The following RFPL2 variants were observed in gnomAD, a reference collection of about 807,000 sequenced individuals.
RFPL2 encodes the protein ret finger protein-like 2.
Under a neutral mutation model 17.8 loss-of-function variants are expected in RFPL2, and 13 were observed. That is an observed-to-expected ratio of 0.73 (90% CI 0.47 to 1.16). The LOEUF is 1.16. Ranked by LOEUF, RFPL2 falls within the 50% of genes most tolerant of loss-of-function variation. RFPL2 has a pLI of 0.00. For missense variants in RFPL2, 431 were observed against 479.3 expected (o/e 0.90, Z 0.94); for synonymous variants, 189 against 180.9 (o/e 1.04, Z -0.36).
chr22:32,193,297 C>G (rs529705580), intron 3 of RFPL2, 105 bp from the exon 4 acceptor site: 2 of 1,596,602 alleles, frequency 1.3e-6, no homozygotes, highest in East Asian at 4.5e-5. Flanking sequence ...TGTGTTCCAG[C>G]TTTGTCACTC....
intron 2 of RFPL2, among the ~76,000 whole-genome samples, chr22:32,195,503 TG>T (rs1247495428): frequency 2.0e-5 from 3 of 152,126 alleles, no homozygotes; most frequent in Non-Finnish European, 4.4e-5. Flanking sequence ...TCAGCCAGGC[TG>T]GAGTGCAGTG....
intron 4 of RFPL2, among the ~76,000 whole-genome samples, chr22:32,191,647 GC>G (rs941977981): frequency 3.3e-5 from 5 of 152,092 alleles, no homozygotes; most frequent in African/African-American, 9.7e-5. Flanking sequence ...CAGACACCAT[GC>G]CCCCCTTTCT....
chr22:32,193,453 C>T (rs1922942622), intron 3 of RFPL2: 15 of 1,454,524 alleles, frequency 1.0e-5, no homozygotes, highest in African/African-American at 1.4e-5. Context: ...GGTGACCCAG[C>T]AGCTGAGCCT....
chr22:32,195,716 C>A (rs570675003), intron 2 of RFPL2, among the ~76,000 whole-genome samples: 44 of 152,156 alleles, frequency 2.9e-4, no homozygotes, highest in Non-Finnish European at 5.6e-4. Context: ...CCTTGGCCTC[C>A]CAAAATGCTG....
chr22:32,193,613 T>C, intron 3 of RFPL2: 2 of 648,974 alleles, frequency 3.1e-6, no homozygotes, highest in Non-Finnish European at 2.0e-6. Flanking sequence ...TGTCCAGCAC[T>C]TTGGGAGGCC....
At chr22:32,194,029 A>G (rs1923039381) in intron 3 of RFPL2, among the ~76,000 whole-genome samples, 1 of 152,016 alleles carries the variant, frequency 6.6e-6, no homozygotes, top group Non-Finnish European at 1.5e-5. Context: ...AAAAATTAGC[A>G]GAGAGCAGAG....
chr22:32,193,866 A>C (rs1319956372), intron 3 of RFPL2, among the ~76,000 whole-genome samples: 2 of 56,432 alleles, frequency 3.5e-5, no homozygotes, highest in East Asian at 5.1e-4. Flanking sequence ...CCATCTCAAA[A>C]AAAAAAAAAA....
rs1321809139 is a variant in RFPL2 at position 32,204,908 on chromosome 22, A to G, written c.-301T>C. On this transcript the variant is annotated 5_prime_UTR_variant, in exon 1 of 5. Transcript: ENST00000652607. Reference sequence around the variant, plus strand: ...ACAGCAAGTCTTAGGATAACCAATCAGAACAAGATAACAAAGCCCGATCAG... The same window carrying G: ...ACAGCAAGTCTTAGGATAACCAATCGGAACAAGATAACAAAGCCCGATCAG... 6.6e-6 allele frequency among the ~76,000 whole-genome samples: 1 copy of G among 152,268 alleles called. No homozygotes were observed. Among genetic ancestry groups the G allele is most frequent in the African/African-American group, 2.4e-5 (1 of 41,478 alleles).
chr22:32,202,321 A>G lies in RFPL2; in HGVS notation c.119+12T>C. 6.3e-7 allele frequency: 1 copy of G among 1,583,200 alleles called. No individual in the cohort carries two copies. Among genetic ancestry groups the G allele is most frequent in the Non-Finnish European group, 8.6e-7 (1 of 1,164,258 alleles). ...CCTGGAGCAATGCGGAAAACCCAGA[A>G]TTGTCTCTCACCTCAGGCTCCTTAT... On this transcript the variant is annotated intron_variant, in intron 2 of 4. Coordinates refer to ENST00000652607, the MANE Select transcript of RFPL2 (RefSeq NM_001394555.1).
Position 32,191,436 on chromosome 22 carries a change from CTT to C in RFPL2, c.557-86_557-85del, listed in dbSNP as rs1007764630. On this transcript the variant is annotated intron_variant, in intron 4 of 4. Coordinates refer to ENST00000652607, the MANE Select transcript of RFPL2 (RefSeq NM_001394555.1). ...TTCTACTTCAAAGGCCCAAATATCTCTTGACTTTAGTTTCTTTAATTCTCTTC... is the reference window on the plus strand; with the variant it reads ...TTCTACTTCAAAGGCCCAAATATCTCGACTTTAGTTTCTTTAATTCTCTTC... 2.7e-5 allele frequency: 40 copies of C among 1,476,948 alleles called. No individual in the cohort carries two copies. The Admixed American group carries it at 7.7e-4, about 28-fold the overall frequency. 91.5% of individuals were successfully genotyped at this position (1,476,948 alleles called of 1,614,324 possible).
In RFPL2 at chr22:32,194,392, C is replaced by T. The variant is rs548157648; in HGVS notation, c.218G>A (p.Ser73Asn). The T allele has an allele frequency of 6.2e-6, 10 of 1,607,718 alleles. No individual in the cohort carries two copies. The South Asian group carries it at 7.8e-5, about 13-fold the overall frequency. ...GTCCTCCAGCTGCTTCCACTGGGCG[C>T]TCAGGTCTTGTGGGGAAGGGGCACA... is the stretch of plus-strand genomic sequence containing the variant. Reference protein sequence around the residue: ...PSCAPSPQDLSAQWKQLEDRG... With the variant: ...PSCAPSPQDLNAQWKQLEDRG... The change falls in exon 3 of 5, where the codon AGC becomes AAC. Residue 73 changes from serine (S) to asparagine (N), a missense_variant. Physicochemically the swap from Ser to Asn is conservative, Grantham distance 46 (BLOSUM62 1). Transcript: ENST00000652607.
chr22:32,191,618 A>C (rs1267633286), intron 4 of RFPL2, among the ~76,000 whole-genome samples: 2 of 152,120 alleles, frequency 1.3e-5, no homozygotes, highest in Non-Finnish European at 2.9e-5. Context: ...CTTCGTTTAG[A>C]GTGGAGGGTC....
Position 32,194,416 on chromosome 22 carries a change from C to T in RFPL2, c.194G>A (p.Cys65Tyr). The change falls in exon 3 of 5, where the codon TGT (cysteine) becomes TAT (tyrosine). Residue 65 changes from cysteine to tyrosine, a missense_variant. Cys to Tyr is a radical substitution (Grantham distance 194). Coordinates refer to ENST00000652607, the MANE Select transcript of RFPL2 (RefSeq NM_001394555.1). ...GGNLTNKRPS[C>Y]APSPQDLSAQ... is the part of the protein sequence containing the mutation. ...GCTCAGGTCTTGTGGGGAAGGGGCA[C>T]ACGAGGGCCTTTTATTGGTGAGATT... is the stretch of plus-strand genomic sequence containing the variant. The T allele has an allele frequency of 6.2e-7, 1 of 1,611,388 alleles. No homozygotes were observed. Among genetic ancestry groups the T allele is most frequent in the Non-Finnish European group, 8.5e-7 (1 of 1,179,344 alleles).
At chr22:32,195,828 A>T (rs1923271720) in intron 2 of RFPL2, among the ~76,000 whole-genome samples, 1 of 152,138 alleles carries the variant, frequency 6.6e-6, no homozygotes. Context: ...GCAATCATGT[A>T]TAAGTGACCA....
intron 2 of RFPL2, among the ~76,000 whole-genome samples, chr22:32,201,039 CTTTTTT>C (rs136492): frequency 2.3e-5 from 3 of 130,550 alleles, no homozygotes; most frequent in Non-Finnish European, 3.2e-5. Context: ...CCCTTATTTC[CTTTTTT>C]TTTTTTTTTT....
rs753078382 is a variant in RFPL2, at chr22:32,191,300, G to C, written c.609C>G (p.Asp203Glu). The change falls in exon 5 of 5, where the codon GAC (aspartate) becomes GAG (glutamate). Residue 203 changes from aspartate (D) to glutamate (E), a missense_variant. Asp to Glu is a conservative substitution (Grantham distance 45, BLOSUM62 2). Coordinates refer to ENST00000652607, the MANE Select transcript of RFPL2 (RefSeq NM_001394555.1). ...GCCCACTTCGGACGCTCCTGAGGTCGTCAGAAATGAGGAGGAAGTTGTTGG... is the reference window on the plus strand; with the variant it reads ...GCCCACTTCGGACGCTCCTGAGGTCCTCAGAAATGAGGAGGAAGTTGTTGG... ...NTANNFLLISDDLRSVRSGRI... is the reference protein window; with the variant it reads ...NTANNFLLISEDLRSVRSGRI... 15 of 1,613,752 alleles carry C rather than the reference G, an allele frequency of 9.3e-6. No homozygotes were observed. The highest frequency in any genetic ancestry group is 1.3e-5 in the Non-Finnish European group (15 of 1,179,822).
chr22:32,191,472 A>C, intron 4 of RFPL2, 120 bp from the exon 5 acceptor site: 1 of 1,297,674 alleles, frequency 7.7e-7, no homozygotes, highest in Non-Finnish European at 1.1e-6. Context: ...TCTTCCCCCA[A>C]AATCCAAACT....
In RFPL2 at chr22:32,201,545, A is replaced by T. The variant is rs62239008; in HGVS notation, c.119+788T>A. On this transcript the variant is annotated intron_variant, in intron 2 of 4. Coordinates refer to ENST00000652607, the MANE Select transcript of RFPL2 (RefSeq NM_001394555.1). ...TACAGCTGCCTGGCAGCTCTAGGAC[A>T]TGGCGATTCTCTCAGGTACTTGGCA... 6.2e-3 allele frequency among the ~76,000 whole-genome samples: 943 copies of T among 152,296 alleles called. 6 individuals carry two copies. Among genetic ancestry groups the T allele is most frequent in the Middle Eastern group, 0.01 (3 of 294 alleles).
chr22:32,200,152 G>T (rs995717617), intron 2 of RFPL2: 4 of 381,046 alleles, frequency 1.0e-5, no homozygotes, highest in Non-Finnish European at 2.1e-5. Context: ...CATCAATGGA[G>T]GTCCCGCAGC....
Sources: allele counts gnomAD v4.1 joint callset (sites outside exome capture counted in the v4.1 genomes callset), GRCh38; gene constraint gnomAD v4.1.1; transcripts MANE v1.5; gene names NCBI Gene and HGNC (gene_info 2026-07-23, HGNC 2026-07-21).